The following NADSYN1 variants were observed in gnomAD, a reference collection of about 807,000 sequenced individuals.
NADSYN1 encodes the protein glutamine-dependent NAD(+) synthetase.
In NADSYN1, 80 loss-of-function variants were observed where a neutral mutation model predicts 99.3. The ratio of observed to expected loss-of-function variants is 0.81; its 90% CI spans 0.67 to 0.97. NADSYN1 has a LOEUF of 0.97. Ranked by LOEUF, NADSYN1 falls within the 50% of genes least tolerant of loss-of-function variation. NADSYN1 has a pLI of 0.00. For synonymous variants in NADSYN1, 385 were observed against 372.1 expected, an observed-to-expected ratio of 1.03 and a Z score of -0.40; for missense variants, 859 against 948.5, an observed-to-expected ratio of 0.91 and a Z score of 1.24.
intron 20 of NADSYN1, chr11:71,498,883 A>C: frequency 5.6e-6 from 1 of 178,306 alleles, no homozygotes; most frequent in African/African-American, 2.4e-5. Context: ...TATATTAACT[A>C]CAGTCACCAT....
At position 71,478,359 on chromosome 11, in the gene NADSYN1, G is replaced by A. The variant is rs1021529431; in HGVS notation, c.799-36G>A. Reference sequence around the variant, plus strand: ...TTACACGTGGGAGTTGAACAAACGGGAAATCACGGGTTCTCTTTGAAATTT... The same window carrying A: ...TTACACGTGGGAGTTGAACAAACGGAAAATCACGGGTTCTCTTTGAAATTT... On this transcript the variant is annotated intron_variant, in intron 9 of 20. Coordinates refer to ENST00000319023, the MANE Select transcript of NADSYN1 (RefSeq NM_018161.5). 9 of 1,535,720 alleles carry A rather than the reference G, an allele frequency of 5.9e-6. No individual in the cohort carries two copies. In the Admixed American group the frequency reaches 9.5e-5, roughly 16 times the overall value.
intron 5 of NADSYN1, among the ~76,000 whole-genome samples, chr11:71,464,867 CAAAAAA>C (rs926724365): frequency 9.9e-5 from 4 of 40,480 alleles, no homozygotes; most frequent in Non-Finnish European, 2.0e-4. Flanking sequence ...GACTCTGTCT[CAAAAAA>C]AAAAAAAAAA....
chr11:71,501,513 G>T lies in NADSYN1; in HGVS notation c.*161G>T. ...TTTCAGTCAAATTCCTCAAAAAGAG[G>T]CTGGAATAAAGCCTGGGCTTAAAAA... On this transcript the variant is annotated 3_prime_UTR_variant, in exon 21 of 21. Transcript: ENST00000319023. The T allele has an allele frequency of 3.1e-6, 2 of 639,212 alleles. No homozygotes were observed. Among genetic ancestry groups the T allele is most frequent in the South Asian group, 2.0e-5 (1 of 49,666 alleles). The allele number at this position is 639,212 out of a possible 1,614,324, so 39.6% of individuals were successfully genotyped here.
intron 2 of NADSYN1, among the ~76,000 whole-genome samples, chr11:71,456,149 G>A (rs1949513068): frequency 6.6e-6 from 1 of 152,204 alleles, no homozygotes; most frequent in Non-Finnish European, 1.5e-5. Context: ...AGAGTAAGCA[G>A]GAACTGTCTT....
In NADSYN1 at chr11:71,486,337, G is replaced by A. The variant is rs371132613; in HGVS notation, c.1562+689G>A. Among the ~76,000 whole-genome samples the A allele has an allele frequency of 2.8e-4, 43 of 151,742 alleles. No homozygotes were observed. The South Asian group carries it at 8.8e-3, about 31-fold the overall frequency. On this transcript the variant is annotated intron_variant, in intron 16 of 20. Transcript: ENST00000319023. ...CATCTATCCACCCATCCATCCATCT[G>A]TCCATTCATCTATCCATCTATGTAT...
chr11:71,469,664 G>A (rs949744881), intron 5 of NADSYN1, among the ~76,000 whole-genome samples: 3 of 152,236 alleles, frequency 2.0e-5, no homozygotes, highest in Non-Finnish European at 4.4e-5. Flanking sequence ...AACGCCTTAA[G>A]TGGTTTTCCG....
chr11:71,458,459 T>C lies in NADSYN1; in HGVS notation c.178T>C (p.Ser60Pro), dbSNP rs754109929. 10 of 1,613,886 alleles carry C rather than the reference T, an allele frequency of 6.2e-6. No individual in the cohort carries two copies. In the South Asian group the frequency reaches 9.9e-5, roughly 16 times the overall value. The change falls in exon 3 of 21, where the codon TCG (serine) becomes CCG (proline). Residue 60 changes from serine to proline, a missense_variant. By Grantham distance (74) the Ser-to-Pro change is moderately conservative. Transcript: ENST00000319023. The stretch of plus-strand genomic sequence containing the variant: ...CGGATGTTGGGATCATTATTACGAG[T>C]CGGACACCCTCTTGCACTCGTTTCA... ...GYGCWDHYYE[S>P]DTLLHSFQVL... is the part of the protein sequence containing the mutation.
chr11:71,497,236 C>A, intron 18 of NADSYN1: 1 of 488,174 alleles, frequency 2.0e-6, no homozygotes, highest in Non-Finnish European at 3.7e-6. Context: ...GACATGAGCG[C>A]TCCTTGGTGA....
chr11:71,455,102 A>C lies in NADSYN1; in HGVS notation c.86-8A>C, dbSNP rs150372387. The C allele has an allele frequency of 6.2e-7, 1 of 1,610,296 alleles. No individual in the cohort carries two copies. Among genetic ancestry groups the C allele is most frequent in the East Asian group, 2.2e-5 (1 of 44,800 alleles). On this transcript the variant is annotated splice_polypyrimidine_tract_variant and splice_region_variant and intron_variant, in intron 1 of 20. Coordinates refer to ENST00000319023, the MANE Select transcript of NADSYN1 (RefSeq NM_018161.5). Reference sequence around the variant, plus strand: ...TGCTCCATTTTCTTTTTCTCTCTGTACTTACAGGTATTGAAATTGCCAAAA... The same window carrying C: ...TGCTCCATTTTCTTTTTCTCTCTGTCCTTACAGGTATTGAAATTGCCAAAA...
chr11:71,463,632 C>A, intron 4 of NADSYN1, 147 bp downstream of exon 4: 1 of 713,734 alleles, frequency 1.4e-6, no homozygotes, highest in Non-Finnish European at 2.3e-6. Flanking sequence ...AGGGCCGATG[C>A]ACCAGGCAGG....
intron 2 of NADSYN1, among the ~76,000 whole-genome samples, chr11:71,457,136 C>T (rs1012618369): frequency 2.6e-5 from 4 of 152,252 alleles, no homozygotes; most frequent in Non-Finnish European, 4.4e-5. Flanking sequence ...GGTGTTATAA[C>T]GTTATTTGGT....
chr11:71,483,532 C>G (rs1949722866), intron 14 of NADSYN1, among the ~76,000 whole-genome samples: 1 of 152,140 alleles, frequency 6.6e-6, no homozygotes, highest in South Asian at 2.1e-4. Flanking sequence ...TATGTGAGGA[C>G]AGTGGAAGGA....
Position 71,482,873 on chromosome 11 carries a change from G to C in NADSYN1, c.1175G>C (p.Arg392Pro), listed in dbSNP as rs762179995. 2 of 1,612,756 alleles carry C rather than the reference G, an allele frequency of 1.2e-6. No homozygotes were observed. Among genetic ancestry groups the C allele is most frequent in the Non-Finnish European group, 1.7e-6 (2 of 1,179,504 alleles). Residue 392 changes from arginine (R) to proline (P), a missense_variant, in exon 14 of 21, where the codon CGC becomes CCC. Physicochemically the swap from Arg to Pro is moderately radical, Grantham distance 103. Coordinates refer to ENST00000319023, the MANE Select transcript of NADSYN1 (RefSeq NM_018161.5). ...SGNEEVLADV[R>P]TIVNQISYTP... ...GATGAGGAAGTGCTGGCTGATGTCCGCACCATCGTGAACCAGATCAGCTAC... is the reference window on the plus strand; with the variant it reads ...GATGAGGAAGTGCTGGCTGATGTCCCCACCATCGTGAACCAGATCAGCTAC...
At chr11:71,464,002 C>A in intron 4 of NADSYN1, 51 bp from the exon 5 acceptor site, 1 of 1,459,396 alleles carries the variant, frequency 6.9e-7, no homozygotes. Flanking sequence ...CCGCCAGTGG[C>A]ACGTTCATCT....
chr11:71,492,302 G>T (rs530241232), intron 18 of NADSYN1, among the ~76,000 whole-genome samples: 7 of 152,264 alleles, frequency 4.6e-5, no homozygotes, highest in Non-Finnish European at 1.0e-4. Flanking sequence ...TGGATGCTGG[G>T]GGAAGTGGCT....
chr11:71,463,540 AGC>A, intron 4 of NADSYN1, 55 bp downstream of exon 4: 1 of 1,548,388 alleles, frequency 6.5e-7, no homozygotes, highest in Non-Finnish European at 8.9e-7. Flanking sequence ...CCTGGCTCTC[AGC>A]TGAGGGCTGC....
intron 2 of NADSYN1, among the ~76,000 whole-genome samples, chr11:71,456,563 CT>C (rs1949516417): frequency 6.6e-6 from 1 of 152,228 alleles, no homozygotes; most frequent in African/African-American, 2.4e-5. Context: ...CCCAGTCCCC[CT>C]GGCCTGATGT....
intron 1 of NADSYN1, among the ~76,000 whole-genome samples, chr11:71,453,794 C>G (rs1949496084): frequency 6.6e-6 from 1 of 152,108 alleles, no homozygotes; most frequent in Non-Finnish European, 1.5e-5. Context: ...CCCCGTGGGC[C>G]TTCCTGGTGG....
intron 2 of NADSYN1, among the ~76,000 whole-genome samples, chr11:71,455,927 T>TCAAAAA (rs1238980110): frequency 6.6e-6 from 1 of 152,200 alleles, no homozygotes; most frequent in Non-Finnish European, 1.5e-5. Flanking sequence ...TCTTGTCCCT[T>TCAAAAA]CAAAAACAAA....
Sources: allele counts gnomAD v4.1 joint callset (sites outside exome capture counted in the v4.1 genomes callset), GRCh38; gene constraint gnomAD v4.1.1; transcripts MANE v1.5; gene names NCBI Gene and HGNC (gene_info 2026-07-23, HGNC 2026-07-21).